The following LRGUK variants were observed in gnomAD, a reference collection of about 807,000 sequenced individuals.
LRGUK encodes leucine rich repeats and guanylate kinase domain containing.
Under a neutral mutation model 76.0 loss-of-function variants are expected in LRGUK, and 65 were observed. The observed-to-expected ratio is 0.85, with a 90% CI of 0.70 to 1.05. The LOEUF is 1.05. Ranked by LOEUF, LRGUK falls within the 50% of genes least tolerant of loss-of-function variation. The pLI, the probability that LRGUK is intolerant of heterozygous loss-of-function variation, is 0.00. For missense variants in LRGUK, 758 were observed against 732.8 expected (o/e 1.03, Z -0.40); for synonymous variants, 268 against 265.6 (o/e 1.01, Z -0.09).
At chr7:134,150,963 T>G (rs1798199726) in intron 5 of LRGUK, among the ~76,000 whole-genome samples, 1 of 152,212 alleles carries the variant, frequency 6.6e-6, no homozygotes. Flanking sequence ...ATTTCTCACC[T>G]GTGTTTTAAA....
chr7:134,127,675 C>A lies in LRGUK; in HGVS notation c.297+11C>A. ...ATGCTGAATTTGGAGGTGTGTCTTC[C>A]CCCCCACCCCGTACTCCCTGGCTCC... On this transcript the variant is annotated intron_variant, in intron 1 of 15. Coordinates refer to ENST00000645682, the Ensembl canonical transcript of LRGUK. 1.2e-6 allele frequency: 2 copies of A among 1,605,908 alleles called. No homozygotes were observed. Among genetic ancestry groups the A allele is most frequent in the African/African-American group, 1.3e-5 (1 of 74,672 alleles).
the LRGUK span, among the ~76,000 whole-genome samples, chr7:134,274,847 G>A: frequency 6.6e-6 from 1 of 151,966 alleles, no homozygotes; most frequent in Non-Finnish European, 1.5e-5. Context: ...TCTTTTTAAT[G>A]TAATTTAAGT....
intron 5 of LRGUK, among the ~76,000 whole-genome samples, chr7:134,155,436 T>G (rs1427503764): frequency 1.3e-5 from 2 of 152,204 alleles, no homozygotes; most frequent in Non-Finnish European, 2.9e-5. Context: ...AAATGCATAT[T>G]GACCACAAAC....
chr7:134,198,626 C>T (rs770353653), intron 13 of LRGUK, among the ~76,000 whole-genome samples: 3 of 152,168 alleles, frequency 2.0e-5, no homozygotes, highest in Non-Finnish European at 2.9e-5. Context: ...ATTTGTGCGG[C>T]GTCTACAGGA....
chr7:134,152,740 A>C (rs1798274676), intron 5 of LRGUK, among the ~76,000 whole-genome samples: 1 of 152,068 alleles, frequency 6.6e-6, no homozygotes, highest in East Asian at 1.9e-4. Flanking sequence ...CTATATGTGG[A>C]AAGTTTAGTA....
intron 7 of LRGUK, 50 bp downstream of exon 7, chr7:134,163,590 A>G (rs375847479): frequency 7.8e-6 from 12 of 1,535,378 alleles, no homozygotes; most frequent in Non-Finnish European, 9.7e-6. Context: ...ATAAGAGGAC[A>G]TATTAGAGAC....
At chr7:134,276,386 G>T in the LRGUK span, among the ~76,000 whole-genome samples, 1 of 152,102 alleles carries the variant, frequency 6.6e-6, no homozygotes, top group Non-Finnish European at 1.5e-5. Flanking sequence ...CCTTTGCTAG[G>T]AGTCTGACTT....
rs192212648 is a variant in LRGUK at position 134,254,211 on chromosome 7, G to A, written c.2199-4046G>A. ...ATTTTTTAAATGGTGCAAACAGAAAGATACTGCTGGAGAGCCCAGATTTTG... is the reference window on the plus strand; with the variant it reads ...ATTTTTTAAATGGTGCAAACAGAAAAATACTGCTGGAGAGCCCAGATTTTG... On this transcript the variant is annotated intron_variant, in intron 18 of 19. Coordinates refer to the LRGUK transcript ENST00000285928. 3.0e-3 allele frequency among the ~76,000 whole-genome samples: 452 copies of A among 152,244 alleles called. 1 individual carries two copies. The highest frequency in any genetic ancestry group is 4.4e-3 in the Non-Finnish European group (299 of 68,014).
chr7:134,146,883 T>C (rs755271946), intron 4 of LRGUK, among the ~76,000 whole-genome samples: 6 of 152,192 alleles, frequency 3.9e-5, no homozygotes, highest in Non-Finnish European at 7.4e-5. Context: ...CAGAAAATGA[T>C]TATAATGTAC....
intron 14 of LRGUK, among the ~76,000 whole-genome samples, chr7:134,200,034 A>ATGT (rs1491555077): frequency 2.3e-5 from 2 of 87,498 alleles, no homozygotes; most frequent in Non-Finnish European, 4.6e-5. Flanking sequence ...ATATATGTAT[A>ATGT]ATTTTTTTTT....
chr7:134,169,311 C>T (rs921009592), intron 7 of LRGUK, among the ~76,000 whole-genome samples: 23 of 152,086 alleles, frequency 1.5e-4, no homozygotes, highest in Non-Finnish European at 5.9e-5. Context: ...GGGTTCTCCT[C>T]CAGAACCTTC....
chr7:134,150,130 C>G (rs576040515), intron 5 of LRGUK, among the ~76,000 whole-genome samples: 32 of 152,076 alleles, frequency 2.1e-4, no homozygotes, highest in African/African-American at 7.5e-4. Context: ...AAAAAATTAG[C>G]CAGGCGTGGT....
chr7:134,242,249 T>G (rs994617811), intron 16 of LRGUK, among the ~76,000 whole-genome samples: 3 of 151,874 alleles, frequency 2.0e-5, no homozygotes, highest in African/African-American at 7.3e-5. Context: ...CCTTCAAAAA[T>G]CAATGAATCC....
chr7:134,274,112 C>T, the LRGUK span, among the ~76,000 whole-genome samples: 2 of 152,142 alleles, frequency 1.3e-5, no homozygotes, highest in Non-Finnish European at 2.9e-5. Flanking sequence ...CTATGGTGGC[C>T]ACCAGCTCCG....
chr7:134,257,054 G>A (rs2598269), intron 18 of LRGUK, among the ~76,000 whole-genome samples: 11,230 of 152,116 alleles, frequency 0.074, 1,012 homozygotes, highest in African/African-American at 0.21. Context: ...TCTGTCAGGT[G>A]GAATCAAAGC....
chr7:134,265,995 G>T (rs1454296979), downstream of LRGUK, among the ~76,000 whole-genome samples: 1 of 152,258 alleles, frequency 6.6e-6, no homozygotes, highest in East Asian at 1.9e-4. Flanking sequence ...GCCTAGTGGG[G>T]ACCCTAAACT....
chr7:134,143,501 A>G (rs1379961102), intron 4 of LRGUK, among the ~76,000 whole-genome samples: 1 of 152,126 alleles, frequency 6.6e-6, no homozygotes, highest in African/African-American at 2.4e-5. Context: ...ATTACTTGGT[A>G]CATTTTATTT....
Position 134,196,983 on chromosome 7 carries a change from G to T in LRGUK, c.1432-9G>T. 1 of 1,474,336 alleles carries T rather than the reference G, an allele frequency of 6.8e-7. No individual in the cohort carries two copies. The highest frequency in any genetic ancestry group is 9.4e-7 in the Non-Finnish European group (1 of 1,058,688). 91.3% of individuals were successfully genotyped at this position (1,474,336 alleles called of 1,614,324 possible). ...TTATATGAAAATCTTTGTTCTTCTC[G>T]AATTCCAGGGGAAATTCATTCTAAC... is the stretch of plus-strand genomic sequence containing the variant. On this transcript the variant is annotated splice_polypyrimidine_tract_variant and intron_variant, in intron 12 of 15. Coordinates refer to ENST00000645682, the Ensembl canonical transcript of LRGUK.
intron 7 of LRGUK, among the ~76,000 whole-genome samples, chr7:134,174,006 G>A (rs1337180348): frequency 6.6e-6 from 1 of 151,904 alleles, no homozygotes; most frequent in Non-Finnish European, 1.5e-5. Flanking sequence ...CTACTCAGGA[G>A]GCTGAGGCAG....
Sources: allele counts gnomAD v4.1 joint callset (sites outside exome capture counted in the v4.1 genomes callset), GRCh38; gene constraint gnomAD v4.1.1; transcripts MANE v1.5; gene names NCBI Gene and HGNC (gene_info 2026-07-23, HGNC 2026-07-21).